The following EIF1AX variants were observed in gnomAD, a reference collection of about 807,000 sequenced individuals.
EIF1AX encodes the protein eukaryotic translation initiation factor 1A X-linked, also known as eukaryotic translation initiation factor 1A, X-chromosomal.
Under a neutral mutation model 16.1 loss-of-function variants are expected in EIF1AX, and 1 was observed. That is an observed-to-expected ratio of 0.06 (90% CI 0.02 to 0.30). The LOEUF is 0.30. EIF1AX is among the 10% of genes least tolerant of loss of function. The probability of loss-of-function intolerance (pLI) is 1.00; values close to 1 mark genes in which losing one functional copy is unlikely to be tolerated. For synonymous variants in EIF1AX, 32 were observed against 37.3 expected (o/e 0.86, Z 0.51); for missense variants, 11 against 109.1 (o/e 0.10, Z 4.00).
chrX:20,136,597 T>C (rs2067017821), intron 2 of EIF1AX, among the ~76,000 whole-genome samples: 1 of 112,370 alleles, frequency 8.9e-6, no homozygotes, highest in African/African-American at 3.2e-5. Flanking sequence ...AATGTCTTTG[T>C]TGAATTAGAA....
intron 5 of EIF1AX, among the ~76,000 whole-genome samples, chrX:20,131,691 T>C (rs2148607297): frequency 9.3e-6 from 1 of 107,558 alleles, no homozygotes; most frequent in African/African-American, 3.4e-5. Flanking sequence ...TTTTTTTTTT[T>C]TTTTTTTTTA....
intron 4 of EIF1AX, 21 bp from the exon 5 acceptor site, chrX:20,132,284 T>C (rs1242049461): frequency 9.8e-7 from 1 of 1,018,613 alleles, no homozygotes; most frequent in South Asian, 2.1e-5. Flanking sequence ...GACAAATAAC[T>C]TTAAAAAACT....
At chrX:20,141,574 T>A (rs2067034292) in intron 1 of EIF1AX, 51 bp downstream of exon 1, 1 of 1,139,666 alleles carries the variant, frequency 8.8e-7, no homozygotes, top group African/African-American at 1.9e-5. Context: ...GGGCAGGACC[T>A]GGGAGACCCG....
At chrX:20,136,520 C>T (rs12560085) in intron 2 of EIF1AX, 1 of 139,952 alleles carries the variant, frequency 7.1e-6, no homozygotes, top group Non-Finnish European at 1.4e-5. Context: ...TCTCCTTTAC[C>T]TCAGTACCTT....
At chrX:20,131,309 G>A (rs774534303) in intron 5 of EIF1AX, among the ~76,000 whole-genome samples, 4 of 111,677 alleles carry the variant, frequency 3.6e-5, no homozygotes, top group Admixed American at 2.9e-4. Context: ...ATTATACAAC[G>A]ATAAAATGGA....
chrX:20,134,016 G>A lies in EIF1AX; in HGVS notation c.205-9C>T. 1 of 1,191,211 alleles carries A rather than the reference G, an allele frequency of 8.4e-7. No individual in the cohort carries two copies. On this transcript the variant is annotated splice_polypyrimidine_tract_variant and intron_variant, in intron 3 of 6. Coordinates refer to ENST00000379607, the MANE Select transcript of EIF1AX (RefSeq NM_001412.4). Reference sequence around the variant, plus strand: ...GAGGTATTTATCCAAACCTACAAAAGAAAAGTCACTGCCCGTCACATTTAA... The same window carrying A: ...GAGGTATTTATCCAAACCTACAAAAAAAAAGTCACTGCCCGTCACATTTAA...
chrX:20,138,362 G>A (rs1333752992), intron 2 of EIF1AX, among the ~76,000 whole-genome samples, 177 bp downstream of exon 2: 4 of 110,382 alleles, frequency 3.6e-5, no homozygotes, highest in African/African-American at 9.9e-5. Flanking sequence ...CCAAATACTC[G>A]GGAGGCTGAA....
intron 6 of EIF1AX, among the ~76,000 whole-genome samples, chrX:20,129,591 A>G (rs1311331264): frequency 8.9e-6 from 1 of 112,787 alleles, no homozygotes; most frequent in Non-Finnish European, 1.9e-5. Context: ...GCAGAAGTGC[A>G]GTAAAGCATT....
At position 20,125,036 on chromosome X, in the gene EIF1AX, C is replaced by A. The variant is rs1007187939; in HGVS notation, c.*3270G>T. The A allele has an allele frequency of 6.9e-6, 1 of 144,039 alleles. No individual in the cohort carries two copies. Among genetic ancestry groups the A allele is most frequent in the Non-Finnish European group, 1.4e-5 (1 of 72,598 alleles). The allele number at this position is 144,039 out of a possible 1,213,427, so 11.9% of individuals were successfully genotyped here. On this transcript the variant is annotated 3_prime_UTR_variant, in exon 7 of 7. Transcript: ENST00000379607. ...TAAACATCTAAATTATCAATCCTCC[C>A]AACAATTCTGCATGACAGGTACTGT...
At chrX:20,141,458 C>T (rs1339457766) in intron 1 of EIF1AX, among the ~76,000 whole-genome samples, 167 bp downstream of exon 1, 2 of 111,856 alleles carry the variant, frequency 1.8e-5, no homozygotes, top group African/African-American at 6.5e-5. Context: ...GAGTTAACTT[C>T]CCAGCTCCTC....
rs192416012 is a variant in EIF1AX, at chrX:20,141,784, G to C, written c.-144C>G. 33 of 584,807 alleles carry C rather than the reference G, an allele frequency of 5.6e-5. No homozygotes were observed. The Admixed American group carries it at 1.5e-3, about 26-fold the overall frequency. The allele number at this position is 584,807 out of a possible 1,213,427, so 48.2% of individuals were successfully genotyped here. ...CAGGCAACGTGCGCGGGAGAGGCTG[G>C]CGACCCAGCTCTTCAGAGATCCGCC... On this transcript the variant is annotated 5_prime_UTR_variant, in exon 1 of 7. Coordinates refer to ENST00000379607, the MANE Select transcript of EIF1AX (RefSeq NM_001412.4).
rs1305183280 is a variant in EIF1AX, at chrX:20,141,787, A to T, written c.-147T>A. The T allele has an allele frequency of 1.7e-5, 10 of 572,878 alleles. No homozygotes were observed. In the East Asian group the frequency reaches 3.5e-4, roughly 20 times the overall value. The allele number at this position is 572,878 out of a possible 1,213,427, so 47.2% of individuals were successfully genotyped here. A position where few individuals can be genotyped will look rare whatever the true frequency, so the allele number is the denominator to read the frequency against. The stretch of plus-strand genomic sequence containing the variant: ...GCAACGTGCGCGGGAGAGGCTGGCG[A>T]CCCAGCTCTTCAGAGATCCGCCTGC... On this transcript the variant is annotated 5_prime_UTR_variant, in exon 1 of 7. Transcript: ENST00000379607.
At chrX:20,137,635 G>C (rs1337625773) in intron 2 of EIF1AX, among the ~76,000 whole-genome samples, 1 of 111,426 alleles carries the variant, frequency 9.0e-6, no homozygotes, top group African/African-American at 3.3e-5. Flanking sequence ...ATCTTGGTCT[G>C]GCACTTACAA....
At chrX:20,136,505 T>C (rs1314279339) in intron 2 of EIF1AX, 8 of 151,624 alleles carry the variant, frequency 5.3e-5, no homozygotes, top group Non-Finnish European at 9.3e-5. Flanking sequence ...TACCCCACTT[T>C]TGGCTCTCCT....
chrX:20,141,092 G>A (rs2067032570), intron 1 of EIF1AX, among the ~76,000 whole-genome samples: 1 of 111,609 alleles, frequency 9.0e-6, no homozygotes, highest in Non-Finnish European at 1.9e-5. Flanking sequence ...AATCTCTAGA[G>A]GTGAGCCTTA....
intron 1 of EIF1AX, among the ~76,000 whole-genome samples, chrX:20,139,627 G>C (rs1174973243): frequency 9.0e-6 from 1 of 111,432 alleles, no homozygotes; most frequent in Non-Finnish European, 1.9e-5. Context: ...GAAAAAGGCT[G>C]TAAGTGGTAA....
rs180911669 is a variant in EIF1AX, at chrX:20,125,909, T to G, written c.*2397A>C. On this transcript the variant is annotated 3_prime_UTR_variant, in exon 7 of 7. Transcript: ENST00000379607. The stretch of plus-strand genomic sequence containing the variant: ...CAGGCTTGGTAAGAAGCGGTCTCTT[T>G]AGGGGCCAGATGCTTAAGAAATATT... The G allele has an allele frequency of 6.7e-6, 1 of 150,294 alleles. No individual in the cohort carries two copies. Among genetic ancestry groups the G allele is most frequent in the African/African-American group, 3.2e-5 (1 of 31,266 alleles). 12.4% of individuals were successfully genotyped at this position (150,294 alleles called of 1,213,427 possible).
chrX:20,132,096 A>C, intron 5 of EIF1AX, 86 bp downstream of exon 5: 2 of 728,796 alleles, frequency 2.7e-6, no homozygotes, highest in Non-Finnish European at 4.0e-6. Context: ...TAAAGTAAAT[A>C]AGCAAAATCC....
Position 20,125,436 on chromosome X carries a change from A to G in EIF1AX, c.*2870T>C. 1 of 172,172 alleles carries G rather than the reference A, an allele frequency of 5.8e-6. No homozygotes were observed. The highest frequency in any genetic ancestry group is 1.1e-5 in the Non-Finnish European group (1 of 89,335). The allele number at this position is 172,172 out of a possible 1,213,427, so 14.2% of individuals were successfully genotyped here. A position where few individuals can be genotyped will look rare whatever the true frequency, so the allele number is the denominator to read the frequency against. On this transcript the variant is annotated 3_prime_UTR_variant, in exon 7 of 7. Transcript: ENST00000379607. ...AGTGTGCAAAAGTTCATGGGAGTCC[A>G]AAGAGTATAAATAAAACTTACCCTT...
Sources: allele counts gnomAD v4.1 joint callset (sites outside exome capture counted in the v4.1 genomes callset), GRCh38; gene constraint gnomAD v4.1.1; transcripts MANE v1.5; gene names NCBI Gene and HGNC (gene_info 2026-07-23, HGNC 2026-07-21).